Variants in TRABD2B observed in about 807,000 individuals in gnomAD.
TRABD2B encodes metalloprotease TIKI2.
A neutral mutation model predicts 40.1 loss-of-function variants in TRABD2B; 14 were observed. That is an observed-to-expected ratio of 0.35 (90% CI 0.23 to 0.55). The LOEUF is 0.55. Among genes scored for constraint, TRABD2B ranks in the 20% least tolerant of loss-of-function variants. TRABD2B has a pLI of 0.90. For missense variants in TRABD2B, 541 were observed against 648.6 expected, an observed-to-expected ratio of 0.83 and a Z score of 1.80; for synonymous variants, 263 against 277.0, an observed-to-expected ratio of 0.95 and a Z score of 0.50.
At position 47,763,287 on chromosome 1, in the gene TRABD2B, T is replaced by C. The variant is rs903048086; in HGVS notation, c.*2615A>G. ...GGTGGTCCTCAGAGATCAGTGAACTTTGGCAACAGATGTCTGACCACATTG... is the reference window on the plus strand; with the variant it reads ...GGTGGTCCTCAGAGATCAGTGAACTCTGGCAACAGATGTCTGACCACATTG... On this transcript the variant is annotated 3_prime_UTR_variant, in exon 7 of 7. Transcript: ENST00000606738. 6.6e-6 allele frequency: 1 copy of C among 152,242 alleles called. No individual in the cohort carries two copies. The highest frequency in any genetic ancestry group is 1.5e-5 in the Non-Finnish European group (1 of 68,046). The allele number at this position is 152,242 out of a possible 1,614,324, so 9.4% of individuals were successfully genotyped here. A position where few individuals can be genotyped will look rare whatever the true frequency, so the allele number is the denominator to read the frequency against.
intron 2 of TRABD2B, among the ~76,000 whole-genome samples, chr1:47,860,036 A>G (rs561374562): frequency 1.3e-5 from 2 of 152,048 alleles, no homozygotes; most frequent in Non-Finnish European, 2.9e-5. Flanking sequence ...AGACTGCACT[A>G]CCTTGTGTGC....
intron 2 of TRABD2B, among the ~76,000 whole-genome samples, chr1:47,849,773 G>A (rs1309170060): frequency 6.6e-6 from 1 of 152,226 alleles, no homozygotes; most frequent in African/African-American, 2.4e-5. Flanking sequence ...GGCCCCTGAA[G>A]GCCAACGTGG....
intron 2 of TRABD2B, among the ~76,000 whole-genome samples, chr1:47,932,061 A>G (rs922219279): frequency 1.3e-5 from 2 of 152,196 alleles, no homozygotes; most frequent in Non-Finnish European, 2.9e-5. Context: ...AAGGAAGAGT[A>G]CCTGAAATCA....
At chr1:47,887,260 T>C (rs1051723495) in intron 2 of TRABD2B, among the ~76,000 whole-genome samples, 5 of 152,068 alleles carry the variant, frequency 3.3e-5, no homozygotes, top group Non-Finnish European at 7.4e-5. Flanking sequence ...CTCAGAGAGG[T>C]TAAGTAGCTT....
intron 2 of TRABD2B, among the ~76,000 whole-genome samples, chr1:47,833,356 C>A (rs189148172): frequency 1.3e-5 from 2 of 152,332 alleles, no homozygotes; most frequent in African/African-American, 2.4e-5. Context: ...CCTGGCTGAG[C>A]AGGTCAAAAG....
chr1:47,820,821 CAA>C (rs1031204360), intron 2 of TRABD2B, among the ~76,000 whole-genome samples: 10 of 134,394 alleles, frequency 7.4e-5, no homozygotes, highest in East Asian at 2.3e-4. Context: ...CACACACACA[CAA>C]AATCTTACTT....
intron 4 of TRABD2B, among the ~76,000 whole-genome samples, chr1:47,792,156 T>C (rs1370464069): frequency 2.0e-5 from 3 of 152,204 alleles, no homozygotes; most frequent in Non-Finnish European, 4.4e-5. Context: ...GGAGAGTGGA[T>C]TCATGAGAGC....
At chr1:47,810,452 G>A (rs980135261) in intron 2 of TRABD2B, among the ~76,000 whole-genome samples, 1 of 152,200 alleles carries the variant, frequency 6.6e-6, no homozygotes, top group Non-Finnish European at 1.5e-5. Context: ...AAGGAGATGA[G>A]GGAGGGAGCC....
At position 47,994,252 on chromosome 1, in the gene TRABD2B, G is replaced by T; in HGVS notation, c.448C>A (p.Leu150Ile). The T allele has an allele frequency of 6.5e-7, 1 of 1,539,416 alleles. No individual in the cohort carries two copies. The highest frequency in any genetic ancestry group is 8.7e-7 in the Non-Finnish European group (1 of 1,148,158). Residue 150 changes from leucine to isoleucine, a missense_variant, in exon 2 of 7, where the codon CTA becomes ATA. Leu to Ile is a conservative substitution (Grantham distance 5). Coordinates refer to ENST00000606738, the MANE Select transcript of TRABD2B (RefSeq NM_001194986.2). The surrounding 1 kb of genome is among the most constrained non-coding windows in gnomAD (Gnocchi z 6.7). Reference sequence around the variant, plus strand: ...CAGTTGCCCGCGATGGCATTGAATAGGTAGTCAGCATAGAGCCCCTTGCCC... The same window carrying T: ...CAGTTGCCCGCGATGGCATTGAATATGTAGTCAGCATAGAGCCCCTTGCCC... The part of the protein sequence containing the change: ...QRGKGLYADY[L>I]FNAIAGNWER...
chr1:47,874,739 T>A (rs1644199248), intron 2 of TRABD2B, among the ~76,000 whole-genome samples: 1 of 151,326 alleles, frequency 6.6e-6, no homozygotes, highest in African/African-American at 2.4e-5. Context: ...GGCTAATATA[T>A]ATATATATAT....
intron 2 of TRABD2B, among the ~76,000 whole-genome samples, chr1:47,903,408 C>CA (rs2124684694): frequency 6.6e-6 from 1 of 152,214 alleles, no homozygotes; most frequent in South Asian, 2.1e-4. Flanking sequence ...GTGTGAAGAT[C>CA]TCGCTGTGAC....
chr1:47,945,283 G>A (rs549975196), intron 2 of TRABD2B, among the ~76,000 whole-genome samples: 9 of 152,300 alleles, frequency 5.9e-5, no homozygotes, highest in Admixed American at 1.3e-4. Context: ...GGATGTAGCC[G>A]TAGCTCTGAG....
intron 2 of TRABD2B, among the ~76,000 whole-genome samples, chr1:47,865,145 A>G (rs1335335814): frequency 6.6e-6 from 1 of 152,152 alleles, no homozygotes; most frequent in East Asian, 1.9e-4. Flanking sequence ...AGGCCTAGCA[A>G]TCTGCTCCCT....
chr1:47,858,852 G>C (rs903342871), intron 2 of TRABD2B, among the ~76,000 whole-genome samples: 8 of 152,216 alleles, frequency 5.3e-5, no homozygotes, highest in African/African-American at 1.7e-4. Flanking sequence ...AGGTCCTCAG[G>C]ATGGCGGCCT....
At chr1:47,868,227 G>A (rs1294204888) in intron 2 of TRABD2B, among the ~76,000 whole-genome samples, 1 of 152,216 alleles carries the variant, frequency 6.6e-6, no homozygotes, top group East Asian at 1.9e-4. Flanking sequence ...CATGCTTTAT[G>A]AAGCCAAGGC....
At chr1:47,971,296 T>A (rs1185975429) in intron 2 of TRABD2B, among the ~76,000 whole-genome samples, 1 of 152,220 alleles carries the variant, frequency 6.6e-6, no homozygotes, top group South Asian at 2.1e-4. Context: ...GTCCCTGCTA[T>A]CCTGGTGGTA....
At chr1:47,875,725 A>G (rs2124607687) in intron 2 of TRABD2B, among the ~76,000 whole-genome samples, 2 of 149,238 alleles carry the variant, frequency 1.3e-5, no homozygotes, top group South Asian at 4.2e-4. Flanking sequence ...AGAAAGAAAG[A>G]AAGAGCAGAA....
intron 2 of TRABD2B, among the ~76,000 whole-genome samples, chr1:47,814,921 C>G (rs1343878682): frequency 6.6e-6 from 1 of 152,240 alleles, no homozygotes; most frequent in African/African-American, 2.4e-5. Context: ...ACTGGAGACT[C>G]TGGCACTGCA....
chr1:47,794,376 C>T (rs1644715324), intron 4 of TRABD2B, among the ~76,000 whole-genome samples: 1 of 152,190 alleles, frequency 6.6e-6, no homozygotes, highest in Non-Finnish European at 1.5e-5. Flanking sequence ...GGGGTCATCA[C>T]TCCCCTTTCC....
Sources: gnomAD v4.1 joint callset for allele counts (sites outside exome capture counted in the v4.1 genomes callset) on GRCh38, gnomAD v4.1.1 for gene constraint, Gnocchi (gnomAD v3.1) non-coding constraint, MANE v1.5 for transcripts, NCBI Gene and HGNC (gene_info 2026-07-23, HGNC 2026-07-21) for gene names.